The following RAB11FIP1 variants were observed in gnomAD, a reference collection of about 807,000 sequenced individuals.
RAB11FIP1 encodes RAB11 family interacting protein 1.
In RAB11FIP1, 49 loss-of-function variants were observed where a neutral mutation model predicts 83.1. The ratio of observed to expected loss-of-function variants is 0.59; its 90% confidence interval spans 0.47 to 0.75. The LOEUF is 0.75. RAB11FIP1 is among the 30% of genes least tolerant of loss of function. RAB11FIP1 has a pLI of 0.00. For missense variants in RAB11FIP1, 1,536 were observed against 1,598.7 expected (o/e 0.96, Z 0.67); for synonymous variants, 670 against 656.0 (o/e 1.02, Z -0.33).
intron 5 of RAB11FIP1, 109 bp from the exon 6 acceptor site, chr8:37,863,222 C>T (rs1225625289): frequency 5.2e-6 from 4 of 764,066 alleles, no homozygotes; most frequent in East Asian, 5.2e-5. Flanking sequence ...ATCTGGGTCT[C>T]TTGGGAATCC....
intron 2 of RAB11FIP1, among the ~76,000 whole-genome samples, chr8:37,876,323 A>G (rs1188162757): frequency 6.6e-6 from 1 of 151,984 alleles, no homozygotes; most frequent in African/African-American, 2.4e-5. Flanking sequence ...GCCATGGGCA[A>G]TGGTTCACAC....
At chr8:37,885,064 G>A (rs945796087) in intron 1 of RAB11FIP1, among the ~76,000 whole-genome samples, 3 of 150,066 alleles carry the variant, frequency 2.0e-5, no homozygotes, top group Non-Finnish European at 4.4e-5. Context: ...GCGTGATCTC[G>A]GCTCACTGCA....
At chr8:37,891,684 T>C (rs1419261462) in intron 1 of RAB11FIP1, among the ~76,000 whole-genome samples, 1 of 152,240 alleles carries the variant, frequency 6.6e-6, no homozygotes, top group Non-Finnish European at 1.5e-5. Flanking sequence ...AAGACTCTTT[T>C]CTATGCTTAC....
Position 37,871,090 on chromosome 8 carries a change from T to A in RAB11FIP1, c.3524+188A>T, listed in dbSNP as rs557836074. ...AAGCTATATTTACAGACTACTATTA[T>A]GTTCTTGCTATAAACGCAGCAGTGT... On this transcript the variant is annotated intron_variant, in intron 4 of 5. Coordinates refer to ENST00000330843, the MANE Select transcript of RAB11FIP1 (RefSeq NM_001002814.3). The A allele has an allele frequency of 9.0e-6, 6 of 669,832 alleles. No individual in the cohort carries two copies. In the East Asian group the frequency reaches 1.4e-4, roughly 16 times the overall value. 41.5% of individuals were successfully genotyped at this position (669,832 alleles called of 1,614,324 possible).
rs1806265286 is a variant in RAB11FIP1, at chr8:37,862,786, A to T, written c.*109T>A. 5.2e-6 allele frequency: 4 copies of T among 762,432 alleles called. No homozygotes were observed. Among genetic ancestry groups the T allele is most frequent in the Non-Finnish European group, 8.8e-6 (4 of 453,232 alleles). The allele number at this position is 762,432 out of a possible 1,614,324, so 47.2% of individuals were successfully genotyped here. On this transcript the variant is annotated 3_prime_UTR_variant, in exon 6 of 6. Transcript: ENST00000330843. ...TCTTGCCGGATAACATGTGAGGGAG[A>T]TGGTGATTCGGAGCCTGCTGGCTGG...
At chr8:37,896,631 AGAGACT>A (rs1356875172) in intron 1 of RAB11FIP1, among the ~76,000 whole-genome samples, 2 of 152,224 alleles carry the variant, frequency 1.3e-5, no homozygotes, top group Non-Finnish European at 2.9e-5. Context: ...ATGAAGATGC[AGAGACT>A]GAACTCTTCC....
chr8:37,871,208 A>G, intron 4 of RAB11FIP1, 70 bp downstream of exon 4: 1 of 1,524,412 alleles, frequency 6.6e-7, no homozygotes, highest in Non-Finnish European at 8.8e-7. Context: ...AGAAAGCCGT[A>G]ACCTCTGCAG....
chr8:37,877,042 TTC>T (rs1806628151), intron 2 of RAB11FIP1, 65 bp downstream of exon 2: 1 of 1,156,310 alleles, frequency 8.6e-7, no homozygotes, highest in Non-Finnish European at 1.3e-6. Context: ...TGTCTGTTTC[TTC>T]TCTCTCAGAA....
chr8:37,880,935 TG>T (rs1806722655), intron 1 of RAB11FIP1, among the ~76,000 whole-genome samples: 1 of 152,206 alleles, frequency 6.6e-6, no homozygotes, highest in Admixed American at 6.5e-5. Context: ...CGGAAGGTAG[TG>T]GACTTAAAGG....
At chr8:37,884,553 AGTT>A (rs960801177) in intron 1 of RAB11FIP1, among the ~76,000 whole-genome samples, 23 of 150,748 alleles carry the variant, frequency 1.5e-4, no homozygotes, top group South Asian at 2.1e-4. Context: ...ACACCCAACT[AGTT>A]GTTGTTGTTG....
At chr8:37,884,101 A>G (rs1208660025) in intron 1 of RAB11FIP1, among the ~76,000 whole-genome samples, 2 of 151,916 alleles carry the variant, frequency 1.3e-5, no homozygotes, top group African/African-American at 4.8e-5. Context: ...TCTATTGTCT[A>G]TTGCCCAGGC....
rs1806233841 is a variant in RAB11FIP1, at chr8:37,861,603, T to C, written c.*1292A>G. On this transcript the variant is annotated 3_prime_UTR_variant, in exon 6 of 6. Transcript: ENST00000330843. ...CTTAAAAAAATTGCCCAGGCTCTTT[T>C]TTTAAGAGTCTTAAAAAAACTCTTG... The C allele has an allele frequency of 4.6e-6, 2 of 439,346 alleles. No homozygotes were observed. The highest frequency in any genetic ancestry group is 9.0e-6 in the Non-Finnish European group (2 of 223,288). 27.2% of individuals were successfully genotyped at this position (439,346 alleles called of 1,614,324 possible).
At chr8:37,878,533 CAAAAAA>C (rs918942295) in intron 1 of RAB11FIP1, among the ~76,000 whole-genome samples, 2 of 24,094 alleles carry the variant, frequency 8.3e-5, no homozygotes, top group Non-Finnish European at 1.7e-4. Flanking sequence ...GACTCCATCT[CAAAAAA>C]AAAAAAAAAA....
rs532354161 is a variant in RAB11FIP1 at position 37,885,231 on chromosome 8, ATGATCCGTCCACCT to A, written c.372-7694_372-7681del. ...GCCGGTCTCGAACTCCTGACTTCAG[ATGATCCGTCCACCT>A]TGGCCTCCCAAAGTGCTGGGATTAC... On this transcript the variant is annotated intron_variant, in intron 1 of 5. Transcript: ENST00000330843. Among the ~76,000 whole-genome samples the A allele has an allele frequency of 8.8e-4, 133 of 151,798 alleles. 1 individual carries two copies. In the South Asian group the frequency reaches 0.027, roughly 31 times the overall value.
chr8:37,882,805 A>G (rs956556675), intron 1 of RAB11FIP1, among the ~76,000 whole-genome samples: 2 of 152,054 alleles, frequency 1.3e-5, no homozygotes, highest in African/African-American at 4.8e-5. Context: ...TTTTCTTTGC[A>G]CTTCCTAATG....
chr8:37,871,128 C>T (rs1220486850), intron 4 of RAB11FIP1, 150 bp downstream of exon 4: 6 of 977,002 alleles, frequency 6.1e-6, no homozygotes, highest in Non-Finnish European at 8.9e-6. Flanking sequence ...TGAGGTATTA[C>T]CACCACAAGG....
intron 1 of RAB11FIP1, among the ~76,000 whole-genome samples, chr8:37,885,171 T>C (rs1006265186): frequency 2.6e-5 from 4 of 151,812 alleles, no homozygotes. Flanking sequence ...AGTTTTGTAT[T>C]TTTAGTAGAG....
chr8:37,868,214 G>T (rs1208864297), intron 5 of RAB11FIP1, among the ~76,000 whole-genome samples: 1 of 152,156 alleles, frequency 6.6e-6, no homozygotes, highest in Non-Finnish European at 1.5e-5. Context: ...CTGAGGTCAG[G>T]AGTTCGAGAC....
intron 1 of RAB11FIP1, among the ~76,000 whole-genome samples, chr8:37,889,542 T>C (rs1006360182): frequency 6.6e-6 from 1 of 152,172 alleles, no homozygotes; most frequent in African/African-American, 2.4e-5. Context: ...GGGGCAACCA[T>C]GGGGTCCTCA....
Sources: gnomAD v4.1 joint callset for allele counts (sites outside exome capture counted in the v4.1 genomes callset) on GRCh38, gnomAD v4.1.1 for gene constraint, MANE v1.5 for transcripts, NCBI Gene and HGNC (gene_info 2026-07-23, HGNC 2026-07-21) for gene names.